PRKX: variants seen among roughly 807,000 people sequenced by gnomAD.
PRKX encodes the protein protein kinase cAMP-dependent X-linked catalytic subunit.
Under a neutral mutation model 22.0 loss-of-function variants are expected in PRKX, and 12 were observed. The ratio of observed to expected loss-of-function variants is 0.54; its 90% CI spans 0.35 to 0.88. PRKX has a LOEUF of 0.88. Ranked by LOEUF, PRKX falls within the 40% of genes least tolerant of loss-of-function variation. The pLI is 0.01. For synonymous variants in PRKX, 134 were observed against 137.7 expected (o/e 0.97, Z 0.19); for missense variants, 217 against 308.0 (o/e 0.70, Z 2.21).
chrX:3,691,242 T>C (rs1374683938), intron 1 of PRKX, among the ~76,000 whole-genome samples: 1 of 111,439 alleles, frequency 9.0e-6, no homozygotes, highest in Non-Finnish European at 1.9e-5. Context: ...CCGTACGTCT[T>C]ACATTCTTGG....
At chrX:3,701,700 G>C (rs896840661) in intron 1 of PRKX, among the ~76,000 whole-genome samples, 1 of 111,474 alleles carries the variant, frequency 9.0e-6, no homozygotes, top group East Asian at 2.9e-4. Flanking sequence ...TGAGATAGGA[G>C]GTCAGCACAA....
intron 4 of PRKX, among the ~76,000 whole-genome samples, chrX:3,638,970 A>C (rs1166293598): frequency 9.9e-6 from 1 of 101,457 alleles, no homozygotes; most frequent in Non-Finnish European, 2.0e-5. Flanking sequence ...AAGATCGTAG[A>C]GATAAAGAGA....
chrX:3,615,809 T>A lies in PRKX; in HGVS notation c.951+6A>T. ...ATACTGAGTCACCCACTGATATGTG[T>A]TGTACCTTCAGTTTTCTCTGCGGAA... On this transcript the variant is annotated splice_donor_region_variant and intron_variant, in intron 7 of 8. Transcript: ENST00000262848. 1 of 1,198,511 alleles carries A rather than the reference T, an allele frequency of 8.3e-7. No homozygotes were observed. Among genetic ancestry groups the A allele is most frequent in the Non-Finnish European group, 1.1e-6 (1 of 887,049 alleles).
chrX:3,652,310 T>C (rs778652696), intron 3 of PRKX, among the ~76,000 whole-genome samples: 15 of 108,679 alleles, frequency 1.4e-4, no homozygotes, highest in African/African-American at 3.4e-4. Flanking sequence ...CCCAGCTACT[T>C]GGGGGGCTGA....
chrX:3,676,022 G>A (rs977810035), intron 1 of PRKX, among the ~76,000 whole-genome samples: 14 of 111,632 alleles, frequency 1.3e-4, no homozygotes, highest in Non-Finnish European at 2.3e-4. Flanking sequence ...TGGGACTACA[G>A]GCATGAGCCA....
At chrX:3,662,311 G>A (rs1218559396) in intron 2 of PRKX, among the ~76,000 whole-genome samples, 5 of 110,745 alleles carry the variant, frequency 4.5e-5, no homozygotes, top group African/African-American at 9.9e-5. Context: ...CTGTAATTCC[G>A]GCACTTTGCG....
Position 3,694,710 on chromosome X carries a change from G to A in PRKX, c.166+18378C>T, listed in dbSNP as rs150279452. ...AACTTTGCAAACGTGATTAAGCTAG[G>A]GATCTTGAGATGAGATCGCGCTGGA... On this transcript the variant is annotated intron_variant, in intron 1 of 8. Transcript: ENST00000262848. Among the ~76,000 whole-genome samples, 696 of 112,195 alleles carry A rather than the reference G, an allele frequency of 6.2e-3. 8 individuals are homozygous for A. The highest frequency in any genetic ancestry group is 0.021 in the African/African-American group (663 of 30,906).
At chrX:3,663,467 CAAAA>C (rs60160617) in intron 2 of PRKX, among the ~76,000 whole-genome samples, 11,211 of 82,594 alleles carry the variant, frequency 0.14, 930 homozygotes, top group Admixed American at 0.36. Flanking sequence ...CACACACACA[CAAAA>C]AAATTCAATT....
intron 2 of PRKX, among the ~76,000 whole-genome samples, chrX:3,669,333 TCCA>T (rs1927801784): frequency 9.1e-6 from 1 of 109,815 alleles, no homozygotes; most frequent in Non-Finnish European, 1.9e-5. Flanking sequence ...CATCCATCCA[TCCA>T]TCCATCCATC....
intron 1 of PRKX, among the ~76,000 whole-genome samples, chrX:3,675,058 A>G (rs1411185729): frequency 8.9e-6 from 1 of 112,047 alleles, no homozygotes; most frequent in Non-Finnish European, 1.9e-5. Context: ...CAAACTGGCC[A>G]TAATTTCTGC....
rs1443945981 is a variant in PRKX, at chrX:3,643,029, AAG to A, written c.600-1060_600-1059del. The stretch of plus-strand genomic sequence containing the variant: ...CAAAAAAAAAAAAAAAAAAAAAAAA[AAG>A]GTGCAAGAGCTGGGTTTGTACTTGT... On this transcript the variant is annotated intron_variant, in intron 3 of 8. Coordinates refer to ENST00000262848, the MANE Select transcript of PRKX (RefSeq NM_005044.5). Among the ~76,000 whole-genome samples the A allele has an allele frequency of 1.5e-3, 147 of 99,094 alleles. 2 individuals are homozygous for A. Among genetic ancestry groups the A allele is most frequent in the African/African-American group, 5.0e-3 (139 of 27,953 alleles). 86.1% of individuals were successfully genotyped at this position (99,094 alleles called of 115,157 possible).
At chrX:3,708,125 A>G (rs1928719142) in intron 1 of PRKX, among the ~76,000 whole-genome samples, 1 of 111,213 alleles carries the variant, frequency 9.0e-6, no homozygotes, top group African/African-American at 3.3e-5. Flanking sequence ...TGAGGTCGTG[A>G]GGTTGGAGCC....
chrX:3,669,886 C>T (rs1004270884), intron 2 of PRKX, among the ~76,000 whole-genome samples: 1 of 112,085 alleles, frequency 8.9e-6, no homozygotes, highest in Non-Finnish European at 1.9e-5. Flanking sequence ...CTGTCTATCA[C>T]AGTGGTTCAC....
At chrX:3,623,725 C>T (rs1926606138) in intron 5 of PRKX, among the ~76,000 whole-genome samples, 2 of 110,718 alleles carry the variant, frequency 1.8e-5, no homozygotes, top group African/African-American at 6.6e-5. Flanking sequence ...ACACATCTGC[C>T]GGCACTCTTT....
intron 1 of PRKX, among the ~76,000 whole-genome samples, chrX:3,705,803 C>A (rs1455036759): frequency 1.9e-5 from 2 of 107,706 alleles, no homozygotes; most frequent in East Asian, 5.9e-4. Flanking sequence ...TCCGCTGCCT[C>A]AGCCTCCCCA....
At chrX:3,661,094 C>T (rs997813051) in intron 2 of PRKX, among the ~76,000 whole-genome samples, 2 of 110,902 alleles carry the variant, frequency 1.8e-5, no homozygotes, top group African/African-American at 6.5e-5. Flanking sequence ...GAAATGGAGA[C>T]ATCATTTTTA....
chrX:3,629,017 G>A (rs1387725644), intron 4 of PRKX, among the ~76,000 whole-genome samples: 5 of 112,020 alleles, frequency 4.5e-5, no homozygotes, highest in African/African-American at 1.6e-4. Context: ...TCCAGCCTGG[G>A]TGACAGAGAG....
intron 1 of PRKX, among the ~76,000 whole-genome samples, chrX:3,693,317 G>A (rs962411308): frequency 5.4e-5 from 6 of 111,480 alleles, no homozygotes; most frequent in African/African-American, 1.6e-4. Flanking sequence ...AGTGAAAATG[G>A]GAAGGTGGTG....
chrX:3,689,826 A>AT (rs1275328519), intron 1 of PRKX, among the ~76,000 whole-genome samples: 1 of 111,161 alleles, frequency 9.0e-6, no homozygotes, highest in African/African-American at 3.3e-5. Flanking sequence ...AAATACAAAA[A>AT]ATTAGCCGAG....
Sources: allele counts gnomAD v4.1 joint callset (sites outside exome capture counted in the v4.1 genomes callset), GRCh38; gene constraint gnomAD v4.1.1; transcripts MANE v1.5; gene names NCBI Gene and HGNC (gene_info 2026-07-23, HGNC 2026-07-21).